NIPAL4: variants seen among roughly 807,000 people sequenced by gnomAD.
NIPAL4 encodes the protein NIPA like domain containing 4.
Under a neutral mutation model 31.6 loss-of-function variants are expected in NIPAL4, and 21 were observed. The ratio of observed to expected loss-of-function variants is 0.67; its 90% CI spans 0.47 to 0.96. The LOEUF (loss-of-function observed/expected upper bound fraction) is 0.96, where lower values mean the gene tolerates loss of function less well. NIPAL4 is among the 40% of genes least tolerant of loss of function. The pLI is 0.00. For missense variants in NIPAL4, 438 were observed against 508.0 expected (o/e 0.86, Z 1.32); for synonymous variants, 175 against 211.1 (o/e 0.83, Z 1.48).
intron 2 of NIPAL4, among the ~76,000 whole-genome samples, chr5:157,464,176 A>G (rs1295888606): frequency 6.6e-6 from 1 of 152,176 alleles, no homozygotes; most frequent in Non-Finnish European, 1.5e-5. Context: ...GCAAGGTAAA[A>G]GGGGAAATAG....
intron 1 of NIPAL4, 128 bp downstream of exon 1, chr5:157,460,485 G>A (rs902582840): frequency 5.5e-6 from 5 of 914,306 alleles, no homozygotes; most frequent in East Asian, 5.2e-5. Context: ...GCCAGCACGA[G>A]GTGGCTCCCA....
intron 1 of NIPAL4, chr5:157,460,709 T>A: frequency 2.1e-6 from 1 of 485,888 alleles, no homozygotes; most frequent in Admixed American, 2.3e-5. Flanking sequence ...CAGGTTTTAG[T>A]ACCTGCGCAG....
Position 157,472,378 on chromosome 5 carries a change from C to G in NIPAL4, c.633C>G (p.Leu211=). 1 of 1,611,718 alleles carries G rather than the reference C, an allele frequency of 6.2e-7. No individual in the cohort carries two copies. The highest frequency in any genetic ancestry group is 8.5e-7 in the Non-Finnish European group (1 of 1,179,040). ...TTCTGCTGGTGTCATGCCTCATCCT[C>G]ATCTTTGTCATTGCCCCACGTTACG... ...AVLLLVSCLI[L]IFVIAPRYGQ... is the part of the protein sequence containing the mutation. The change falls in exon 6 of 6, where the codon CTC becomes CTG. Residue 211 remains leucine (L), a synonymous_variant. Coordinates refer to ENST00000311946, the MANE Select transcript of NIPAL4 (RefSeq NM_001099287.2).
chr5:157,462,594 A>G, intron 1 of NIPAL4, among the ~76,000 whole-genome samples: 1 of 152,246 alleles, frequency 6.6e-6, no homozygotes, highest in Non-Finnish European at 1.5e-5. Flanking sequence ...CTTTGGCATC[A>G]GATAAGCTTA....
chr5:157,466,991 G>C (rs1754291527), intron 2 of NIPAL4, 58 bp from the exon 3 acceptor site: 1 of 1,323,092 alleles, frequency 7.6e-7, no homozygotes, highest in Non-Finnish European at 1.1e-6. Context: ...AGTTAGGAAA[G>C]GTACCTGAGA....
chr5:157,469,380 T>C (rs147879388), intron 4 of NIPAL4, among the ~76,000 whole-genome samples: 2 of 152,320 alleles, frequency 1.3e-5, no homozygotes, highest in Non-Finnish European at 2.9e-5. Context: ...AGGGGCTTAG[T>C]ATGTGCTGAA....
In NIPAL4 at chr5:157,468,831, G is replaced by T; in HGVS notation, c.425+19G>T. On this transcript the variant is annotated intron_variant, in intron 4 of 5. Coordinates refer to ENST00000311946, the MANE Select transcript of NIPAL4 (RefSeq NM_001099287.2). ...TCATAAGGTTATTGTCCCCTCTCTA[G>T]CTCTCTCTTTTTCTATTCCGTTTTC... 6.6e-7 allele frequency: 1 copy of T among 1,514,638 alleles called. No individual in the cohort carries two copies. The highest frequency in any genetic ancestry group is 9.0e-7 in the Non-Finnish European group (1 of 1,108,172). The allele number at this position is 1,514,638 out of a possible 1,614,324, so 93.8% of individuals were successfully genotyped here.
At chr5:157,470,083 A>AT (rs1754384019) in intron 4 of NIPAL4, among the ~76,000 whole-genome samples, 1 of 152,194 alleles carries the variant, frequency 6.6e-6, no homozygotes, top group Non-Finnish European at 1.5e-5. Flanking sequence ...GAGAGCTTAG[A>AT]TATCAATCTC....
chr5:157,463,393 G>C (rs1754164378), intron 2 of NIPAL4, 60 bp downstream of exon 2: 1 of 1,520,192 alleles, frequency 6.6e-7, no homozygotes, highest in African/African-American at 1.4e-5. Context: ...ACAAGGTCCG[G>C]GGCTGTAGTC....
chr5:157,474,558 C>G lies in NIPAL4; in HGVS notation c.*1598C>G, dbSNP rs1381423576. 2 of 152,192 alleles carry G rather than the reference C, an allele frequency of 1.3e-5. No individual in the cohort carries two copies. The highest frequency in any genetic ancestry group is 1.5e-5 in the Non-Finnish European group (1 of 68,030). 9.4% of individuals were successfully genotyped at this position (152,192 alleles called of 1,614,324 possible). A position where few individuals can be genotyped will look rare whatever the true frequency, so the allele number is the denominator to read the frequency against. On this transcript the variant is annotated 3_prime_UTR_variant, in exon 6 of 6. Transcript: ENST00000311946. Reference sequence around the variant, plus strand: ...GGTTTGGCTGACCAGCAGACTGGCTCCCTGACTCTTCAGCCTCAAATCCCC... The same window carrying G: ...GGTTTGGCTGACCAGCAGACTGGCTGCCTGACTCTTCAGCCTCAAATCCCC...
At chr5:157,469,473 C>T (rs1012882204) in intron 4 of NIPAL4, among the ~76,000 whole-genome samples, 11 of 152,192 alleles carry the variant, frequency 7.2e-5, no homozygotes, top group Non-Finnish European at 1.5e-4. Flanking sequence ...AGCAACTTGG[C>T]CAAAGTTACC....
intron 3 of NIPAL4, chr5:157,467,631 TC>T (rs1754313872): frequency 6.1e-6 from 1 of 163,094 alleles, no homozygotes; most frequent in South Asian, 1.7e-4. Context: ...ATCCCCTATG[TC>T]AAGTTTTGAT....
chr5:157,460,353 G>T lies in NIPAL4; in HGVS notation c.33G>T (p.Glu11Asp). ...TGCGGGTCAGCAACACCAGCTGCGA[G>T]AACGGTGCGTACGGCAGGGCTGGGG... The part of the protein sequence containing the change: MELRVSNTSC[E>D]NGSLLHLYCS... The change falls in exon 1 of 6, where the codon GAG becomes GAT. Residue 11 changes from glutamate to aspartate, a missense_variant. Physicochemically the swap from Glu to Asp is conservative, Grantham distance 45. Transcript: ENST00000311946. 3 of 1,546,096 alleles carry T rather than the reference G, an allele frequency of 1.9e-6. No homozygotes were observed. The highest frequency in any genetic ancestry group is 1.7e-6 in the Non-Finnish European group (2 of 1,146,066).
chr5:157,472,339 C>A lies in NIPAL4; in HGVS notation c.594C>A (p.Ile198=). 1 of 1,601,402 alleles carries A rather than the reference C, an allele frequency of 6.2e-7. No homozygotes were observed. The highest frequency in any genetic ancestry group is 8.5e-7 in the Non-Finnish European group (1 of 1,175,522). The stretch of plus-strand genomic sequence containing the variant: ...CTCTCTCTCCTCCCAAAGGGTTCAT[C>A]GTGTTTGCTGTGCTTCTGCTGGTGT... ...MASKMKDTGF[I]VFAVLLLVSC... The change falls in exon 6 of 6, where the codon ATC becomes ATA. Residue 198 remains isoleucine (I), a synonymous_variant. Coordinates refer to ENST00000311946, the MANE Select transcript of NIPAL4 (RefSeq NM_001099287.2).
rs747332657 is a variant in NIPAL4 at position 157,463,353 on chromosome 5, G to A, written c.277+20G>A. 1.9e-6 allele frequency: 3 copies of A among 1,594,000 alleles called. No homozygotes were observed. Among genetic ancestry groups the A allele is most frequent in the Non-Finnish European group, 2.6e-6 (3 of 1,169,934 alleles). ...GAGCTGGTAGGTTCCTGGGCCAGGAGAGGATAGGGCCCAGGGCAGCTGAGC... is the reference window on the plus strand; with the variant it reads ...GAGCTGGTAGGTTCCTGGGCCAGGAAAGGATAGGGCCCAGGGCAGCTGAGC... On this transcript the variant is annotated intron_variant, in intron 2 of 5. Coordinates refer to ENST00000311946, the MANE Select transcript of NIPAL4 (RefSeq NM_001099287.2).
At chr5:157,465,763 G>A (rs1025097219) in intron 2 of NIPAL4, among the ~76,000 whole-genome samples, 5 of 152,172 alleles carry the variant, frequency 3.3e-5, no homozygotes, top group Admixed American at 1.3e-4. Context: ...AGGCTGAGGT[G>A]TCAGGATCAC....
chr5:157,470,054 AAAGACGG>A (rs901480119), intron 4 of NIPAL4, among the ~76,000 whole-genome samples: 49 of 152,204 alleles, frequency 3.2e-4, no homozygotes, highest in African/African-American at 1.2e-3. Context: ...GTTTCAGAGG[AAAGACGG>A]AAGACAGACA....
intron 2 of NIPAL4, among the ~76,000 whole-genome samples, chr5:157,466,688 T>C (rs974936695): frequency 2.0e-5 from 3 of 152,186 alleles, no homozygotes; most frequent in Non-Finnish European, 4.4e-5. Flanking sequence ...CTTAAGCAAC[T>C]GGATAAATGA....
intron 1 of NIPAL4, among the ~76,000 whole-genome samples, chr5:157,461,893 C>T (rs1754120655): frequency 6.6e-6 from 1 of 152,168 alleles, no homozygotes; most frequent in Non-Finnish European, 1.5e-5. Flanking sequence ...GGGTCTGTGT[C>T]GTGGAAGAAA....
Sources: allele counts gnomAD v4.1 joint callset (sites outside exome capture counted in the v4.1 genomes callset), GRCh38; gene constraint gnomAD v4.1.1; transcripts MANE v1.5; gene names NCBI Gene and HGNC (gene_info 2026-07-23, HGNC 2026-07-21).